PCDHGB3: variants seen among roughly 807,000 people sequenced by gnomAD.
The protein encoded by PCDHGB3 is protocadherin gamma subfamily B, 3.
A neutral mutation model predicts 59.2 loss-of-function variants in PCDHGB3; 40 were observed. The ratio of observed to expected loss-of-function variants is 0.68; its 90% CI spans 0.52 to 0.88. The LOEUF (loss-of-function observed/expected upper bound fraction) is 0.88, where lower values mean the gene tolerates loss of function less well. Among genes scored for constraint, PCDHGB3 ranks in the 40% least tolerant of loss-of-function variants. The pLI is 0.00. For synonymous variants in PCDHGB3, 581 were observed against 503.6 expected (o/e 1.15, Z -2.06); for missense variants, 1,309 against 1,187.9 (o/e 1.10, Z -1.50).
At chr5:141,383,976 C>T (rs1438303235) in intron 1 of PCDHGB3, 1 of 1,613,642 alleles carries the variant, frequency 6.2e-7, no homozygotes, top group Non-Finnish European at 8.5e-7. Context: ...TCCCTGAAGA[C>T]ACACCTCTTG....
chr5:141,398,812 C>A, intron 1 of PCDHGB3: 1 of 1,613,942 alleles, frequency 6.2e-7, no homozygotes, highest in South Asian at 1.1e-5. Context: ...CACTGAGCTC[C>A]GGATCCAGGT....
Position 141,477,413 on chromosome 5 carries a change from G to A in PCDHGB3, c.2416-17394G>A. ...CCTCAGCATCACCGCCCGAGACGCC[G>A]GAACCCCTTCCCTCTCAGCCCTTAC... On this transcript the variant is annotated intron_variant, in intron 1 of 3. Transcript: ENST00000576222. This position sits in a 1 kb window ranked among gnomAD's most constrained non-coding sequence, Gnocchi z 4.9. 1 of 1,614,080 alleles carries A rather than the reference G, an allele frequency of 6.2e-7. No individual in the cohort carries two copies. Among genetic ancestry groups the A allele is most frequent in the Non-Finnish European group, 8.5e-7 (1 of 1,180,026 alleles).
chr5:141,408,313 T>C, intron 1 of PCDHGB3: 1 of 1,613,758 alleles, frequency 6.2e-7, no homozygotes, highest in South Asian at 1.1e-5. Context: ...GCTACTCGAT[T>C]CCGGAGGAGC....
intron 1 of PCDHGB3, among the ~76,000 whole-genome samples, chr5:141,434,518 T>C (rs2097700303): frequency 6.6e-6 from 1 of 152,188 alleles, no homozygotes; most frequent in Admixed American, 6.5e-5. Flanking sequence ...CTTAAAGGTG[T>C]TCTTAAACCA....
intron 1 of PCDHGB3, chr5:141,389,425 C>T (rs1464186383): frequency 3.1e-6 from 5 of 1,613,500 alleles, no homozygotes; most frequent in Admixed American, 1.7e-5. Flanking sequence ...GTGGTGTTCG[C>T]GCAGCGCGCC....
At chr5:141,468,797 C>A (rs191599825) in intron 1 of PCDHGB3, among the ~76,000 whole-genome samples, 1 of 151,770 alleles carries the variant, frequency 6.6e-6, no homozygotes, top group East Asian at 1.9e-4. Context: ...ACCCGGGAGG[C>A]GGAACTTGCA....
chr5:141,485,577 G>A lies in PCDHGB3; in HGVS notation c.2416-9230G>A. Reference sequence around the variant, plus strand: ...AATGATCACGCCCCCCGTTTTCCGCGGCAGCAGCTGGACTTGGAAATTGGG... The same window carrying A: ...AATGATCACGCCCCCCGTTTTCCGCAGCAGCAGCTGGACTTGGAAATTGGG... On this transcript the variant is annotated intron_variant, in intron 1 of 3. Transcript: ENST00000576222. This position sits in a 1 kb window ranked among gnomAD's most constrained non-coding sequence, Gnocchi z 5.7. 2 of 1,612,500 alleles carry A rather than the reference G, an allele frequency of 1.2e-6. No individual in the cohort carries two copies. Among genetic ancestry groups the A allele is most frequent in the Non-Finnish European group, 8.5e-7 (1 of 1,178,676 alleles).
At chr5:141,452,016 A>G (rs988436326) in intron 1 of PCDHGB3, among the ~76,000 whole-genome samples, 5 of 152,084 alleles carry the variant, frequency 3.3e-5, no homozygotes, top group Non-Finnish European at 5.9e-5. Flanking sequence ...TCCAGCCCAC[A>G]CTCTGGGGAG....
At chr5:141,445,339 A>G (rs1450773291) in intron 1 of PCDHGB3, among the ~76,000 whole-genome samples, 1 of 152,152 alleles carries the variant, frequency 6.6e-6, no homozygotes, top group Non-Finnish European at 1.5e-5. Context: ...GAAACAGTAA[A>G]CATTGGTGTC....
At chr5:141,416,405 T>C (rs948190812) in intron 1 of PCDHGB3, 1 of 152,200 alleles carries the variant, frequency 6.6e-6, no homozygotes, top group Non-Finnish European at 1.5e-5. Context: ...TTTGTCTTTT[T>C]TGTTAAATTT....
intron 1 of PCDHGB3, chr5:141,400,133 C>G: frequency 3.7e-6 from 6 of 1,614,066 alleles, no homozygotes; most frequent in Non-Finnish European, 5.1e-6. Flanking sequence ...GAGGTGCTGC[C>G]GGATATCACT....
At chr5:141,492,163 C>G (rs921256341) in intron 1 of PCDHGB3, among the ~76,000 whole-genome samples, 3 of 152,232 alleles carry the variant, frequency 2.0e-5, no homozygotes, top group Admixed American at 6.5e-5. Flanking sequence ...CCTCCCTATC[C>G]CCGCATCACC....
At chr5:141,395,198 A>G (rs2093194899) in intron 1 of PCDHGB3, 1 of 1,613,990 alleles carries the variant, frequency 6.2e-7, no homozygotes, top group Non-Finnish European at 8.5e-7. Flanking sequence ...TAACATCCGT[A>G]GATTTTCATG....
At chr5:141,393,515 T>C in intron 1 of PCDHGB3, 2 of 1,613,990 alleles carry the variant, frequency 1.2e-6, no homozygotes, top group Non-Finnish European at 1.7e-6. Context: ...CAGTGTTGGA[T>C]ACAAATGACA....
Position 141,373,957 on chromosome 5 carries a change from C to A in PCDHGB3, c.2415+1148C>A, listed in dbSNP as rs114705983. ...CAGGAAAGCTGTGCAGAAATTCTGA[C>A]CTGAAACGCTTCGCATCCGGTCTCT... On this transcript the variant is annotated intron_variant, in intron 1 of 3. Coordinates refer to ENST00000576222, the MANE Select transcript of PCDHGB3 (RefSeq NM_018924.5). 3.8e-3 allele frequency: 3,425 copies of A among 890,772 alleles called. 11 individuals carry two copies. Among genetic ancestry groups the A allele is most frequent in the Non-Finnish European group, 4.4e-3 (2,783 of 626,468 alleles). The allele number at this position is 890,772 out of a possible 1,614,324, so 55.2% of individuals were successfully genotyped here.
intron 1 of PCDHGB3, chr5:141,419,960 G>A (rs773071584): frequency 5.0e-6 from 8 of 1,613,960 alleles, no homozygotes; most frequent in South Asian, 4.4e-5. Context: ...CTTGATTTCT[G>A]TGCTCTTTCT....
chr5:141,425,943 C>A (rs2096904576), intron 1 of PCDHGB3, among the ~76,000 whole-genome samples: 1 of 152,220 alleles, frequency 6.6e-6, no homozygotes, highest in Non-Finnish European at 1.5e-5. Flanking sequence ...TGTCTAGTTT[C>A]CTATACATTA....
At chr5:141,466,938 G>C (rs985959499) in intron 1 of PCDHGB3, among the ~76,000 whole-genome samples, 1 of 151,854 alleles carries the variant, frequency 6.6e-6, no homozygotes, top group Non-Finnish European at 1.5e-5. Context: ...TTAGTCCTTT[G>C]TCCAGTAAAC....
intron 3 of PCDHGB3, 89 bp from the exon 4 acceptor site, chr5:141,510,858 T>G: frequency 6.2e-7 from 1 of 1,606,182 alleles, no homozygotes; most frequent in Non-Finnish European, 8.5e-7. Context: ...GGGTGCTGTA[T>G]AGGCATTCAT....
Sources: gnomAD v4.1 joint callset for allele counts (sites outside exome capture counted in the v4.1 genomes callset) on GRCh38, gnomAD v4.1.1 for gene constraint, Gnocchi (gnomAD v3.1) non-coding constraint, MANE v1.5 for transcripts, NCBI Gene and HGNC (gene_info 2026-07-23, HGNC 2026-07-21) for gene names.